The following MYO16 variants were observed in gnomAD, a reference collection of about 807,000 sequenced individuals.
MYO16 encodes unconventional myosin-XVI.
Under a neutral mutation model 205.3 loss-of-function variants are expected in MYO16, and 94 were observed. The observed-to-expected ratio is 0.46, with a 90% confidence interval of 0.39 to 0.54. The LOEUF is 0.54. Among genes scored for constraint, MYO16 ranks in the 20% least tolerant of loss-of-function variants. MYO16 has a pLI of 0.00. For synonymous variants in MYO16, 988 were observed against 954.0 expected, an observed-to-expected ratio of 1.04 and a Z score of -0.66; for missense variants, 2,315 against 2,387.5, an observed-to-expected ratio of 0.97 and a Z score of 0.63.
intron 20 of MYO16, among the ~76,000 whole-genome samples, chr13:108,989,610 A>G (rs1884753102): frequency 6.6e-6 from 1 of 152,170 alleles, no homozygotes; most frequent in Non-Finnish European, 1.5e-5. Flanking sequence ...AATTAAGATA[A>G]CAATGAACAT....
chr13:108,984,708 C>G lies in MYO16; in HGVS notation c.2370-7668C>G, dbSNP rs372898393. Among the ~76,000 whole-genome samples the G allele has an allele frequency of 1.6e-4, 24 of 152,270 alleles. 1 individual carries two copies. The South Asian group carries it at 5.0e-3, about 32-fold the overall frequency. ...TTTTCCTGAGCACTCCTTGACAGAC[C>G]TTGGTCATATCCTCTGACTCACCAT... On this transcript the variant is annotated intron_variant, in intron 20 of 34. Transcript: ENST00000457511.
intron 4 of MYO16, among the ~76,000 whole-genome samples, chr13:108,767,317 C>A (rs9587679): frequency 6.6e-6 from 1 of 152,000 alleles, no homozygotes; most frequent in African/African-American, 2.4e-5. Flanking sequence ...TTAGCCAGGA[C>A]GGTCTCGATC....
intron 33 of MYO16, among the ~76,000 whole-genome samples, chr13:109,172,025 C>A (rs536747406): frequency 2.0e-5 from 3 of 152,200 alleles, no homozygotes; most frequent in Admixed American, 2.0e-4. Context: ...GCTCTGACTC[C>A]GGTGCCTTGT....
rs405397 is a variant in MYO16 at position 108,823,262 on chromosome 13, G to T, written c.1081G>T (p.Val361Leu). Reference protein sequence around the residue: ...PYEEIIHDLPVLSSKLSPLVL... With the variant: ...PYEEIIHDLPLLSSKLSPLVL... The stretch of plus-strand genomic sequence containing the variant: ...TGAAGAGATCATTCACGATCTTCCC[G>T]TACTGTCGAGTAAGCTGTAAGTGTC... Residue 361 changes from valine (V) to leucine (L), a missense_variant, in exon 9 of 35, where the codon GTA (valine) becomes TTA (leucine). Transcript: ENST00000457511. 3 of 1,609,620 alleles carry T rather than the reference G, an allele frequency of 1.9e-6. No homozygotes were observed. The Admixed American group carries it at 5.0e-5, about 27-fold the overall frequency.
At chr13:108,637,188 G>A (rs565067295) in intron 1 of MYO16, among the ~76,000 whole-genome samples, 1 of 152,252 alleles carries the variant, frequency 6.6e-6, no homozygotes, top group African/African-American at 2.4e-5. Flanking sequence ...AACATCATGG[G>A]CTGCTGGTGT....
At chr13:108,585,825 T>TA in the MYO16 span, among the ~76,000 whole-genome samples, 2 of 152,144 alleles carry the variant, frequency 1.3e-5, no homozygotes, top group African/African-American at 4.8e-5. Flanking sequence ...TTGGGCAAGA[T>TA]AAAAAATCCG....
intron 22 of MYO16, among the ~76,000 whole-genome samples, chr13:109,010,944 A>G (rs892416104): frequency 8.4e-6 from 1 of 118,424 alleles, no homozygotes; most frequent in Non-Finnish European, 1.8e-5. Context: ...TATTATATAT[A>G]TTACATATAA....
At chr13:108,532,871 T>A in the MYO16 span, among the ~76,000 whole-genome samples, 1 of 152,044 alleles carries the variant, frequency 6.6e-6, no homozygotes, top group Non-Finnish European at 1.5e-5. Flanking sequence ...AAGGATTGCA[T>A]GACAATGCAA....
Position 109,140,272 on chromosome 13 carries a change from C to A in MYO16, c.4060C>A (p.Arg1354=), listed in dbSNP as rs747927242. 1 of 1,599,430 alleles carries A rather than the reference C, an allele frequency of 6.3e-7. No individual in the cohort carries two copies. Among genetic ancestry groups the A allele is most frequent in the Non-Finnish European group, 8.5e-7 (1 of 1,178,898 alleles). The change falls in exon 32 of 35, where the codon CGG becomes AGG. Residue 1354 remains arginine (R), a synonymous_variant. Coordinates refer to ENST00000457511, the MANE Select transcript of MYO16 (RefSeq NM_001198950.3). This position sits in a 1 kb window ranked among gnomAD's most constrained non-coding sequence, Gnocchi z 8.0. ...AREAANEALA[R]PRPHSDDYST... is the part of the protein sequence containing the mutation. ...GTCCTTTCCTGCCGCAGCTCTGGCC[C>A]GGCCCAGACCGCACAGCGACGACTA...
chr13:108,629,236 C>A (rs1337445956), upstream of MYO16: 1 of 152,208 alleles, frequency 6.6e-6, no homozygotes, highest in Non-Finnish European at 1.5e-5. Context: ...GATCAAAGAT[C>A]TCTGATTCTA....
At chr13:108,946,015 G>A (rs950415667) in intron 16 of MYO16, among the ~76,000 whole-genome samples, 8 of 152,146 alleles carry the variant, frequency 5.3e-5, no homozygotes, top group Non-Finnish European at 1.0e-4. Context: ...GTGCCTGGGG[G>A]TAGACATGCC....
chr13:108,886,001 T>TA (rs1422344442), intron 13 of MYO16, among the ~76,000 whole-genome samples: 5 of 151,966 alleles, frequency 3.3e-5, no homozygotes, highest in African/African-American at 1.2e-4. Context: ...TTTTTTTTGA[T>TA]ATGGAGTCTT....
At chr13:109,029,450 A>T (rs1886482049) in intron 23 of MYO16, among the ~76,000 whole-genome samples, 1 of 151,964 alleles carries the variant, frequency 6.6e-6, no homozygotes. Flanking sequence ...ACCTTTCATA[A>T]CGTGTCCTTT....
chr13:109,192,818 G>T (rs1879982672), intron 34 of MYO16, among the ~76,000 whole-genome samples: 1 of 152,182 alleles, frequency 6.6e-6, no homozygotes, highest in Admixed American at 6.5e-5. Context: ...CTTCTTTTGT[G>T]CAAAGCCACT....
In MYO16 at chr13:108,890,354, A is replaced by G. The variant is rs146689485; in HGVS notation, c.1659+1877A>G. Among the ~76,000 whole-genome samples, 375 of 152,148 alleles carry G rather than the reference A, an allele frequency of 2.5e-3. 2 individuals are homozygous for G. The highest frequency in any genetic ancestry group is 8.7e-3 in the African/African-American group (360 of 41,514). ...TGCTGCTGTGGAGTCATCTTCTCAC[A>G]TGGCATTATCTTTGAGACTGTTCTA... On this transcript the variant is annotated intron_variant, in intron 14 of 34. Transcript: ENST00000457511.
At chr13:108,921,114 G>C (rs1477717876) in intron 16 of MYO16, among the ~76,000 whole-genome samples, 1 of 152,228 alleles carries the variant, frequency 6.6e-6, no homozygotes, top group East Asian at 1.9e-4. Flanking sequence ...CCTCACCAGT[G>C]TAGTCACTGT....
intron 16 of MYO16, among the ~76,000 whole-genome samples, chr13:108,951,226 G>A (rs1016034963): frequency 2.6e-5 from 4 of 152,214 alleles, no homozygotes; most frequent in Non-Finnish European, 4.4e-5. Flanking sequence ...GTAGATGGGT[G>A]CTCAGATTCT....
At chr13:109,059,227 G>A (rs1016121841) in intron 27 of MYO16, among the ~76,000 whole-genome samples, 8 of 152,112 alleles carry the variant, frequency 5.3e-5, no homozygotes, top group African/African-American at 1.9e-4. Flanking sequence ...ATTTAGAATG[G>A]TGAATACTTT....
At chr13:108,669,625 T>C (rs1881895098) in intron 2 of MYO16, among the ~76,000 whole-genome samples, 2 of 152,206 alleles carry the variant, frequency 1.3e-5, no homozygotes, top group African/African-American at 4.8e-5. Flanking sequence ...GAAGTGTCTG[T>C]TCATATCCCT....
Sources: gnomAD v4.1 joint callset for allele counts (sites outside exome capture counted in the v4.1 genomes callset) on GRCh38, gnomAD v4.1.1 for gene constraint, Gnocchi (gnomAD v3.1) non-coding constraint, MANE v1.5 for transcripts, NCBI Gene and HGNC (gene_info 2026-07-23, HGNC 2026-07-21) for gene names.